The following DSCAM variants were observed in gnomAD, a reference collection of about 807,000 sequenced individuals.
DSCAM encodes the protein DS cell adhesion molecule, also known as cell adhesion molecule DSCAM.
DSCAM carries 47 observed loss-of-function variants against 217.7 expected under a neutral mutation model. The observed-to-expected ratio is 0.22, with a 90% CI of 0.17 to 0.28. The LOEUF (loss-of-function observed/expected upper bound fraction) is 0.28, where lower values mean the gene tolerates loss of function less well. Among genes scored for constraint, DSCAM ranks in the 10% least tolerant of loss-of-function variants. The pLI, the probability that DSCAM is intolerant of heterozygous loss-of-function variation, is 1.00. For synonymous variants in DSCAM, 1,056 were observed against 1,015.3 expected (o/e 1.04, Z -0.76); for missense variants, 2,080 against 2,618.3 (o/e 0.79, Z 4.49).
chr21:40,180,420 G>T (rs994717788), intron 14 of DSCAM, among the ~76,000 whole-genome samples: 2 of 152,160 alleles, frequency 1.3e-5, no homozygotes, highest in African/African-American at 2.4e-5. Context: ...AAGCATATTT[G>T]GGGTCAAGAA....
At chr21:40,627,091 C>G (rs1291844631) in intron 3 of DSCAM, among the ~76,000 whole-genome samples, 1 of 152,196 alleles carries the variant, frequency 6.6e-6, no homozygotes, top group Non-Finnish European at 1.5e-5. Context: ...CGACTGAGGA[C>G]AGAAGCCATA....
intron 5 of DSCAM, among the ~76,000 whole-genome samples, chr21:40,349,315 AG>A (rs796387091): frequency 6.6e-6 from 1 of 151,252 alleles, no homozygotes; most frequent in Non-Finnish European, 1.5e-5. Flanking sequence ...CACAATTGTG[AG>A]GAAAAAAAAA....
At chr21:40,362,748 C>A (rs2074781316) in intron 4 of DSCAM, among the ~76,000 whole-genome samples, 1 of 152,018 alleles carries the variant, frequency 6.6e-6, no homozygotes, top group South Asian at 2.1e-4. Flanking sequence ...AGAGTTAGTG[C>A]CCTGGTTTCT....
At chr21:40,695,285 A>C (rs938436208) in intron 2 of DSCAM, among the ~76,000 whole-genome samples, 3 of 152,082 alleles carry the variant, frequency 2.0e-5, no homozygotes, top group African/African-American at 7.2e-5. Context: ...AGATGGGATC[A>C]CAGGAGCCAT....
chr21:40,498,728 GGTGT>G (rs1227483380), intron 3 of DSCAM, among the ~76,000 whole-genome samples: 7 of 13,292 alleles, frequency 5.3e-4, no homozygotes, highest in African/African-American at 1.6e-3. Context: ...TATATATATG[GGTGT>G]GTGTATATAT....
chr21:40,276,081 A>T lies in DSCAM; in HGVS notation c.2356+16T>A. On this transcript the variant is annotated intron_variant, in intron 11 of 32. Coordinates refer to ENST00000400454, the MANE Select transcript of DSCAM (RefSeq NM_001389.5). ...GTATTTAAACTAGGTAAAACGAAGC[A>T]TTTCTTCTCTCTTACTTTTAACCGT... 1 of 1,544,348 alleles carries T rather than the reference A, an allele frequency of 6.5e-7. No homozygotes were observed. The highest frequency in any genetic ancestry group is 8.7e-7 in the Non-Finnish European group (1 of 1,145,754).
intron 3 of DSCAM, among the ~76,000 whole-genome samples, chr21:40,629,836 T>C (rs2089663518): frequency 6.6e-6 from 1 of 152,200 alleles, no homozygotes; most frequent in Admixed American, 6.5e-5. Flanking sequence ...AATAATCATA[T>C]TCATATTTAC....
chr21:40,814,738 C>G (rs1484820582), intron 1 of DSCAM, among the ~76,000 whole-genome samples: 1 of 152,108 alleles, frequency 6.6e-6, no homozygotes, highest in African/African-American at 2.4e-5. Flanking sequence ...ATTGCAGAGG[C>G]AGAAATAAAA....
At chr21:40,337,493 G>A (rs1231554832) in intron 8 of DSCAM, among the ~76,000 whole-genome samples, 3 of 152,040 alleles carry the variant, frequency 2.0e-5, no homozygotes, top group African/African-American at 4.8e-5. Flanking sequence ...TCACCTTATT[G>A]TTTTTTTCTG....
chr21:40,796,685 G>C (rs1311500086), intron 1 of DSCAM, among the ~76,000 whole-genome samples: 1 of 152,068 alleles, frequency 6.6e-6, no homozygotes, highest in Non-Finnish European at 1.5e-5. Context: ...CTTGACAGCT[G>C]GTTAGAAATG....
intron 3 of DSCAM, among the ~76,000 whole-genome samples, chr21:40,541,895 T>C (rs2146133926): frequency 6.6e-6 from 1 of 152,316 alleles, no homozygotes; most frequent in Non-Finnish European, 1.5e-5. Context: ...ACCTGGTAGA[T>C]GTGGCAACGC....
At chr21:40,594,836 G>A (rs1664899293) in intron 3 of DSCAM, among the ~76,000 whole-genome samples, 2 of 152,190 alleles carry the variant, frequency 1.3e-5, no homozygotes, top group Non-Finnish European at 2.9e-5. Flanking sequence ...TGCCAAGACA[G>A]TAACCTCAGT....
intron 11 of DSCAM, among the ~76,000 whole-genome samples, chr21:40,256,210 C>T (rs80355556): frequency 0.03 from 4,620 of 152,186 alleles, 218 homozygotes; most frequent in African/African-American, 0.1. Context: ...TGGAAGTTCA[C>T]GGCATGTTAA....
chr21:40,492,571 C>G (rs540874228), intron 3 of DSCAM, among the ~76,000 whole-genome samples: 1 of 151,192 alleles, frequency 6.6e-6, no homozygotes, highest in South Asian at 2.1e-4. Context: ...AATTCTGGAG[C>G]TAGAAAATAC....
chr21:40,437,815 A>C (rs2075596951), intron 3 of DSCAM, among the ~76,000 whole-genome samples: 1 of 152,178 alleles, frequency 6.6e-6, no homozygotes. Context: ...CTGCCACTGC[A>C]CTCCAACCTG....
At chr21:40,355,142 A>G (rs531357348) in intron 4 of DSCAM, among the ~76,000 whole-genome samples, 2 of 152,228 alleles carry the variant, frequency 1.3e-5, no homozygotes, top group South Asian at 2.1e-4. Flanking sequence ...TTAGTTTGTA[A>G]TAAGTGTAGT....
chr21:40,381,709 G>A (rs530163534), intron 3 of DSCAM, among the ~76,000 whole-genome samples: 2 of 152,328 alleles, frequency 1.3e-5, no homozygotes, highest in East Asian at 1.9e-4. Flanking sequence ...CCACCATAAA[G>A]AATGAAACTA....
At chr21:40,610,379 G>A (rs931210567) in intron 3 of DSCAM, among the ~76,000 whole-genome samples, 1 of 152,148 alleles carries the variant, frequency 6.6e-6, no homozygotes, top group Non-Finnish European at 1.5e-5. Flanking sequence ...GAGAAATAAG[G>A]CAAACCAAGG....
intron 3 of DSCAM, among the ~76,000 whole-genome samples, chr21:40,537,758 ACT>A (rs917342548): frequency 1.3e-5 from 2 of 151,988 alleles, no homozygotes; most frequent in African/African-American, 4.8e-5. Context: ...CCTGGAATTG[ACT>A]CTCTCTCAGC....
Sources: gnomAD v4.1 joint callset for allele counts (sites outside exome capture counted in the v4.1 genomes callset) on GRCh38, gnomAD v4.1.1 for gene constraint, MANE v1.5 for transcripts, NCBI Gene and HGNC (gene_info 2026-07-23, HGNC 2026-07-21) for gene names.